The following HPSE2 variants were observed in gnomAD, a reference collection of about 807,000 sequenced individuals.
HPSE2 encodes inactive heparanase-2.
Under a neutral mutation model 60.5 loss-of-function variants are expected in HPSE2, and 38 were observed. That is an observed-to-expected ratio of 0.63 (90% confidence interval 0.48 to 0.82). The LOEUF (loss-of-function observed/expected upper bound fraction) is 0.82. Ranked by LOEUF, HPSE2 falls within the 40% of genes least tolerant of loss-of-function variation. The pLI, the probability that HPSE2 is intolerant of heterozygous loss-of-function variation, is 0.00. For missense variants in HPSE2, 713 were observed against 740.4 expected (o/e 0.96, Z 0.43); for synonymous variants, 295 against 293.2 (o/e 1.01, Z -0.06).
At chr10:98,834,266 T>C (rs998573166) in intron 3 of HPSE2, among the ~76,000 whole-genome samples, 1 of 152,142 alleles carries the variant, frequency 6.6e-6, no homozygotes, top group African/African-American at 2.4e-5. Flanking sequence ...TTGAGACCCA[T>C]GAAATATACT....
At chr10:98,881,792 T>C (rs75094018) in intron 3 of HPSE2, among the ~76,000 whole-genome samples, 1,587 of 152,246 alleles carry the variant, frequency 0.01, 22 homozygotes, top group Non-Finnish European at 0.016. Flanking sequence ...TACCAGTTTC[T>C]ATGTACCAAA....
chr10:99,264,289 G>C, the HPSE2 span, among the ~76,000 whole-genome samples: 1 of 151,932 alleles, frequency 6.6e-6, no homozygotes, highest in Non-Finnish European at 1.5e-5. Context: ...GCATTTCACT[G>C]TGTTAGCCTG....
At chr10:99,061,061 G>C (rs1017954077) in intron 3 of HPSE2, among the ~76,000 whole-genome samples, 2 of 151,876 alleles carry the variant, frequency 1.3e-5, no homozygotes, top group Non-Finnish European at 2.9e-5. Context: ...AATGGGTGAG[G>C]GAGACAACAA....
At chr10:99,112,909 A>G (rs890483814) in intron 3 of HPSE2, among the ~76,000 whole-genome samples, 5 of 151,768 alleles carry the variant, frequency 3.3e-5, no homozygotes, top group African/African-American at 9.7e-5. Flanking sequence ...CACCCACGCA[A>G]TCTCTATAAT....
chr10:99,264,833 C>G, the HPSE2 span, among the ~76,000 whole-genome samples: 3 of 152,072 alleles, frequency 2.0e-5, no homozygotes, highest in East Asian at 5.8e-4. Context: ...AAAATCTTTC[C>G]TCAGTTTAAT....
intron 3 of HPSE2, among the ~76,000 whole-genome samples, chr10:99,067,137 C>T (rs1331121985): frequency 1.3e-5 from 2 of 152,180 alleles, no homozygotes; most frequent in East Asian, 1.9e-4. Flanking sequence ...CATGCTGATT[C>T]GAGAGGTGGG....
chr10:98,800,722 A>G (rs1164806546), intron 3 of HPSE2, among the ~76,000 whole-genome samples: 3 of 152,122 alleles, frequency 2.0e-5, no homozygotes, highest in African/African-American at 7.2e-5. Flanking sequence ...ATGAAATTGA[A>G]GTCATAATAA....
At chr10:98,590,184 T>C (rs940323843) in intron 9 of HPSE2, among the ~76,000 whole-genome samples, 3 of 152,258 alleles carry the variant, frequency 2.0e-5, no homozygotes, top group African/African-American at 7.2e-5. Flanking sequence ...GGCTCATGCC[T>C]GCAATCCCAG....
intron 3 of HPSE2, among the ~76,000 whole-genome samples, chr10:99,046,648 T>C (rs1280392302): frequency 3.3e-5 from 5 of 152,102 alleles, no homozygotes; most frequent in Admixed American, 3.3e-4. Context: ...ACAAAATCAA[T>C]ATACACAAAT....
At chr10:98,788,739 C>A (rs918583674) in intron 3 of HPSE2, among the ~76,000 whole-genome samples, 2 of 151,646 alleles carry the variant, frequency 1.3e-5, no homozygotes, top group African/African-American at 4.8e-5. Flanking sequence ...TTCTTTGACT[C>A]GGAAAGGGAA....
At chr10:98,794,805 T>C in intron 3 of HPSE2, among the ~76,000 whole-genome samples, 1 of 152,158 alleles carries the variant, frequency 6.6e-6, no homozygotes, top group African/African-American at 2.4e-5. Context: ...AAAAATTGTA[T>C]GCTTTGCTAG....
At chr10:98,839,277 C>G (rs1242385643) in intron 3 of HPSE2, among the ~76,000 whole-genome samples, 1 of 152,134 alleles carries the variant, frequency 6.6e-6, no homozygotes, top group Non-Finnish European at 1.5e-5. Context: ...ATTGCTGTTG[C>G]ATATGATATT....
rs1057110937 is a variant in HPSE2 at position 98,761,164 on chromosome 10, T to C, written c.611-17108A>G. On this transcript the variant is annotated intron_variant, in intron 3 of 11. Coordinates refer to ENST00000370552, the MANE Select transcript of HPSE2 (RefSeq NM_021828.5). ...TGTGGTATCAGTTGTAACATCCCCT[T>C]TTTCCTTTATAATTTTATTTAAGTC... Among the ~76,000 whole-genome samples the C allele has an allele frequency of 5.9e-5, 9 of 152,066 alleles. No homozygotes were observed. In the South Asian group the frequency reaches 1.9e-3, roughly 31 times the overall value.
At chr10:99,188,079 G>GGATTTTGATA (rs1282751052) in intron 2 of HPSE2, among the ~76,000 whole-genome samples, 2 of 152,120 alleles carry the variant, frequency 1.3e-5, no homozygotes, top group Non-Finnish European at 2.9e-5. Flanking sequence ...GAGCATCCAT[G>GGATTTTGATA]GATTTTGATA....
At chr10:99,098,529 T>C (rs1843805475) in intron 3 of HPSE2, among the ~76,000 whole-genome samples, 1 of 152,230 alleles carries the variant, frequency 6.6e-6, no homozygotes. Flanking sequence ...TATGATATAA[T>C]AAACCCTAGA....
intron 3 of HPSE2, among the ~76,000 whole-genome samples, chr10:98,852,211 A>G (rs1028256936): frequency 2.0e-5 from 3 of 149,278 alleles, no homozygotes; most frequent in Non-Finnish European, 4.4e-5. Context: ...GATAACTCCC[A>G]TAGCCCTTAT....
intron 3 of HPSE2, among the ~76,000 whole-genome samples, chr10:99,111,033 G>A (rs1372115393): frequency 6.6e-6 from 1 of 152,046 alleles, no homozygotes; most frequent in Non-Finnish European, 1.5e-5. Flanking sequence ...TGTGTATCTA[G>A]ATAGCCAGTT....
intron 5 of HPSE2, among the ~76,000 whole-genome samples, chr10:98,714,652 A>G (rs1948749722): frequency 6.6e-6 from 1 of 151,906 alleles, no homozygotes; most frequent in African/African-American, 2.4e-5. Context: ...TACTGCTGCT[A>G]TGAATATTTG....
chr10:99,235,871 T>A, upstream of HPSE2: 1 of 1,383,644 alleles, frequency 7.2e-7, no homozygotes, highest in Non-Finnish European at 1.0e-6. Flanking sequence ...TTATCTAAAG[T>A]GTGTGTCTGT....
Sources: gnomAD v4.1 joint callset for allele counts (sites outside exome capture counted in the v4.1 genomes callset) on GRCh38, gnomAD v4.1.1 for gene constraint, MANE v1.5 for transcripts, NCBI Gene and HGNC (gene_info 2026-07-23, HGNC 2026-07-21) for gene names.